NKAIN2: variants seen among roughly 807,000 people sequenced by gnomAD.
The protein encoded by NKAIN2 is sodium/potassium-transporting ATPase subunit beta-1-interacting protein 2.
Under a neutral mutation model 32.6 loss-of-function variants are expected in NKAIN2, and 14 were observed. The observed-to-expected ratio is 0.43, with a 90% CI of 0.28 to 0.67. The LOEUF is 0.67. NKAIN2 is among the 30% of genes least tolerant of loss of function. NKAIN2 has a pLI of 0.17. For synonymous variants in NKAIN2, 80 were observed against 87.2 expected, an observed-to-expected ratio of 0.92 and a Z score of 0.46; for missense variants, 198 against 258.3, an observed-to-expected ratio of 0.77 and a Z score of 1.60.
Position 124,594,768 on chromosome 6 carries a change from T to A in NKAIN2, c.274-63418T>A, listed in dbSNP as rs113842365. Among the ~76,000 whole-genome samples, 1,223 of 152,020 alleles carry A rather than the reference T, an allele frequency of 8.0e-3. 12 individuals carry two copies. The highest frequency in any genetic ancestry group is 0.027 in the African/African-American group (1,115 of 41,478). ...AGCAAGAGAGAGGACAGTGAGGGGATCCAGGCATGGAGGAGAGGAGGGAAA... is the reference window on the plus strand; with the variant it reads ...AGCAAGAGAGAGGACAGTGAGGGGAACCAGGCATGGAGGAGAGGAGGGAAA... On this transcript the variant is annotated intron_variant, in intron 3 of 6. Transcript: ENST00000368417.
intron 3 of NKAIN2, among the ~76,000 whole-genome samples, chr6:124,383,563 C>T (rs905073610): frequency 1.3e-5 from 2 of 152,138 alleles, no homozygotes; most frequent in African/African-American, 4.8e-5. Context: ...GCTCTTGTGG[C>T]CACACACGTG....
intron 3 of NKAIN2, among the ~76,000 whole-genome samples, chr6:124,572,052 A>G (rs1362052458): frequency 6.6e-6 from 1 of 152,144 alleles, no homozygotes; most frequent in Non-Finnish European, 1.5e-5. Context: ...AAGTCCAGAG[A>G]CATTTTCGGA....
intron 5 of NKAIN2, among the ~76,000 whole-genome samples, chr6:124,809,764 A>C (rs1780791536): frequency 6.6e-6 from 1 of 152,156 alleles, no homozygotes; most frequent in South Asian, 2.1e-4. Context: ...CAGAATCTAC[A>C]ATAAACTCAA....
At chr6:123,920,022 G>A (rs1489383757) in intron 1 of NKAIN2, among the ~76,000 whole-genome samples, 1 of 152,022 alleles carries the variant, frequency 6.6e-6, no homozygotes, top group Non-Finnish European at 1.5e-5. Context: ...CAAAAGAGTA[G>A]AAGGCCCTTT....
intron 1 of NKAIN2, among the ~76,000 whole-genome samples, chr6:124,274,269 G>T (rs1794929171): frequency 6.6e-6 from 1 of 152,080 alleles, no homozygotes; most frequent in Non-Finnish European, 1.5e-5. Context: ...TGCATAATTT[G>T]TAGTAATAGA....
chr6:123,854,768 G>T (rs1430266832), intron 1 of NKAIN2, among the ~76,000 whole-genome samples: 2 of 152,066 alleles, frequency 1.3e-5, no homozygotes, highest in Admixed American at 1.3e-4. Flanking sequence ...CTGGAGGGTG[G>T]GTGCCCTCAC....
chr6:124,448,440 C>A (rs749284783), intron 3 of NKAIN2, among the ~76,000 whole-genome samples: 1 of 152,250 alleles, frequency 6.6e-6, no homozygotes, highest in East Asian at 1.9e-4. Flanking sequence ...ACAATAAATG[C>A]TTTTCCTTAA....
chr6:124,147,608 C>CA (rs1236550966), intron 1 of NKAIN2, among the ~76,000 whole-genome samples: 14 of 149,382 alleles, frequency 9.4e-5, no homozygotes, highest in South Asian at 2.1e-4. Flanking sequence ...ATGTCTTCAA[C>CA]AAAAAAAAAG....
intron 3 of NKAIN2, among the ~76,000 whole-genome samples, chr6:124,550,012 T>C (rs531155140): frequency 1.3e-4 from 20 of 152,242 alleles, no homozygotes; most frequent in Non-Finnish European, 2.8e-4. Flanking sequence ...TTTCTCTTTA[T>C]GCTTTTGCCC....
intron 1 of NKAIN2, among the ~76,000 whole-genome samples, chr6:123,825,325 T>C (rs1476992411): frequency 6.6e-6 from 1 of 152,102 alleles, no homozygotes; most frequent in African/African-American, 2.4e-5. Context: ...CCTAAAGAAA[T>C]ATGCTTCTAT....
chr6:124,227,413 G>A (rs961519293), intron 1 of NKAIN2, among the ~76,000 whole-genome samples: 21 of 152,112 alleles, frequency 1.4e-4, no homozygotes, highest in African/African-American at 4.3e-4. Flanking sequence ...TTACACTCAC[G>A]CGTAATTCTC....
intron 1 of NKAIN2, among the ~76,000 whole-genome samples, chr6:124,078,681 T>C (rs1783808442): frequency 6.6e-6 from 1 of 152,160 alleles, no homozygotes; most frequent in Non-Finnish European, 1.5e-5. Context: ...CTCTTGATTA[T>C]ATTTAATTAC....
At chr6:123,925,124 T>C (rs570724814) in intron 1 of NKAIN2, among the ~76,000 whole-genome samples, 1 of 152,314 alleles carries the variant, frequency 6.6e-6, no homozygotes, top group Admixed American at 6.5e-5. Flanking sequence ...CTATTATAGG[T>C]ACTACAATGA....
At chr6:124,055,039 T>C (rs781533997) in intron 1 of NKAIN2, among the ~76,000 whole-genome samples, 27 of 152,132 alleles carry the variant, frequency 1.8e-4, no homozygotes, top group Admixed American at 4.6e-4. Flanking sequence ...ACATATTTGA[T>C]TAAATTCAGG....
intron 1 of NKAIN2, among the ~76,000 whole-genome samples, chr6:123,841,095 T>C (rs940954627): frequency 6.6e-6 from 1 of 152,200 alleles, no homozygotes; most frequent in African/African-American, 2.4e-5. Flanking sequence ...ACAACTGTTA[T>C]TCTATACCTG....
At chr6:123,937,171 C>A (rs1019196737) in intron 1 of NKAIN2, among the ~76,000 whole-genome samples, 1 of 152,032 alleles carries the variant, frequency 6.6e-6, no homozygotes, top group Non-Finnish European at 1.5e-5. Flanking sequence ...GGTATATGAG[C>A]CTTAAGAAGC....
intron 3 of NKAIN2, among the ~76,000 whole-genome samples, chr6:124,399,313 G>T (rs1387305498): frequency 6.6e-6 from 1 of 152,150 alleles, no homozygotes; most frequent in African/African-American, 2.4e-5. Flanking sequence ...TCTACTTTGG[G>T]ATGGGTTTGG....
chr6:124,725,795 C>A (rs933489666), intron 4 of NKAIN2, among the ~76,000 whole-genome samples: 4 of 152,152 alleles, frequency 2.6e-5, no homozygotes, highest in African/African-American at 9.7e-5. Context: ...ATCTGAGGTA[C>A]CAGGTTCATC....
At chr6:124,271,621 A>G (rs747205245) in intron 1 of NKAIN2, among the ~76,000 whole-genome samples, 1 of 152,246 alleles carries the variant, frequency 6.6e-6, no homozygotes, top group Non-Finnish European at 1.5e-5. Context: ...CGAAGCTGCT[A>G]TAAAGATAAC....
Sources: gnomAD v4.1 joint callset for allele counts (sites outside exome capture counted in the v4.1 genomes callset) on GRCh38, gnomAD v4.1.1 for gene constraint, MANE v1.5 for transcripts, NCBI Gene and HGNC (gene_info 2026-07-23, HGNC 2026-07-21) for gene names.